SIAH2: variants seen among roughly 807,000 people sequenced by gnomAD.
SIAH2 encodes E3 ubiquitin-protein ligase SIAH2.
In SIAH2, 4 loss-of-function variants were observed where a neutral mutation model predicts 20.4. That is an observed-to-expected ratio of 0.20 (90% CI 0.10 to 0.45). SIAH2 has a LOEUF of 0.45. Among genes scored for constraint, SIAH2 ranks in the 20% least tolerant of loss-of-function variants. The probability of loss-of-function intolerance (pLI) is 0.99; values close to 1 mark genes in which losing one functional copy is unlikely to be tolerated. For missense variants in SIAH2, 259 were observed against 440.3 expected, an observed-to-expected ratio of 0.59 and a Z score of 3.69; for synonymous variants, 171 against 192.5, an observed-to-expected ratio of 0.89 and a Z score of 0.93.
At chr3:150,745,742 G>C (rs982699624) in intron 1 of SIAH2, among the ~76,000 whole-genome samples, 8 of 152,134 alleles carry the variant, frequency 5.3e-5, no homozygotes, top group African/African-American at 1.9e-4. Flanking sequence ...TGATCCACCC[G>C]CCACGGCCTC....
intron 1 of SIAH2, among the ~76,000 whole-genome samples, chr3:150,755,574 G>A (rs1714469899): frequency 6.6e-6 from 1 of 151,914 alleles, no homozygotes; most frequent in South Asian, 2.1e-4. Context: ...GGAGTGCAAT[G>A]GTGCGATCTC....
chr3:150,745,730 C>G (rs376512649), intron 1 of SIAH2, among the ~76,000 whole-genome samples: 4 of 152,186 alleles, frequency 2.6e-5, no homozygotes, highest in East Asian at 3.9e-4. Flanking sequence ...CTCCTGACCT[C>G]GTGATCCACC....
chr3:150,744,852 A>G (rs1177581529), intron 1 of SIAH2, among the ~76,000 whole-genome samples: 1 of 152,184 alleles, frequency 6.6e-6, no homozygotes, highest in Non-Finnish European at 1.5e-5. Context: ...GCAAATATTT[A>G]TCACTTGGCA....
chr3:150,745,424 T>G (rs966987972), intron 1 of SIAH2, among the ~76,000 whole-genome samples: 1 of 152,128 alleles, frequency 6.6e-6, no homozygotes, highest in Admixed American at 6.5e-5. Flanking sequence ...CAAGACTGTA[T>G]GTAAAACTGT....
intron 1 of SIAH2, among the ~76,000 whole-genome samples, chr3:150,760,802 T>C (rs1008287306): frequency 6.6e-6 from 1 of 152,208 alleles, no homozygotes; most frequent in Non-Finnish European, 1.5e-5. Context: ...AAGCATCAAA[T>C]AGCCACTCTA....
At position 150,762,625 on chromosome 3, in the gene SIAH2, G is replaced by C; in HGVS notation, c.225C>G (p.Thr75=). The change falls in exon 1 of 2, where the codon ACC becomes ACG. Residue 75 remains threonine (T), a synonymous_variant. Coordinates refer to ENST00000312960, the MANE Select transcript of SIAH2 (RefSeq NM_005067.7). This position sits in a 1 kb window ranked among gnomAD's most constrained non-coding sequence, Gnocchi z 6.6. ...GPVSPQHHEL[T]SLFECPVCFD... ...AGCAGACCGGACACTCGAAGAGCGA[G>C]GTCAGCTCGTGGTGCTGCGGGGACA... 1.2e-6 allele frequency: 2 copies of C among 1,609,452 alleles called. No individual in the cohort carries two copies. Among genetic ancestry groups the C allele is most frequent in the Non-Finnish European group, 1.7e-6 (2 of 1,178,630 alleles).
chr3:150,746,219 C>A (rs1413412171), intron 1 of SIAH2, among the ~76,000 whole-genome samples: 1 of 152,094 alleles, frequency 6.6e-6, no homozygotes, highest in Non-Finnish European at 1.5e-5. Context: ...TATGGTGAAA[C>A]CCTGTCACTA....
chr3:150,742,249 C>T lies in SIAH2; in HGVS notation c.867G>A (p.Ala289=), dbSNP rs771802597. ...CAAGGCAGTCGCTGTTCATGATGGC[C>T]GCAGCCACACCGTCATGAATCGAAC... ...TPRSIHDGVA[A]AIMNSDCLVF... Residue 289 remains alanine (A), a synonymous_variant, in exon 2 of 2, where the codon GCG becomes GCA. Transcript: ENST00000312960. The surrounding 1 kb of genome is among the most constrained non-coding windows in gnomAD (Gnocchi z 4.8). 49 of 1,614,028 alleles carry T rather than the reference C, an allele frequency of 3.0e-5. No homozygotes were observed. Among genetic ancestry groups the T allele is most frequent in the Middle Eastern group, 1.6e-4 (1 of 6,084 alleles).
chr3:150,752,689 C>G (rs538851731), intron 1 of SIAH2, among the ~76,000 whole-genome samples: 1 of 152,242 alleles, frequency 6.6e-6, no homozygotes, highest in African/African-American at 2.4e-5. Flanking sequence ...TTATTCTTCT[C>G]CGGCCCCGCA....
intron 1 of SIAH2, among the ~76,000 whole-genome samples, chr3:150,748,793 T>C (rs754733372): frequency 9.9e-5 from 15 of 152,202 alleles, no homozygotes; most frequent in Non-Finnish European, 2.1e-4. Context: ...CCTAAGTAAG[T>C]TGTAATGATC....
At chr3:150,757,738 T>TG (rs1430069072) in intron 1 of SIAH2, among the ~76,000 whole-genome samples, 3 of 151,888 alleles carry the variant, frequency 2.0e-5, no homozygotes, top group Non-Finnish European at 2.9e-5. Flanking sequence ...CCCAGCACTT[T>TG]GGGGGGCCGA....
chr3:150,754,492 C>T (rs540526919), intron 1 of SIAH2, among the ~76,000 whole-genome samples: 2 of 152,304 alleles, frequency 1.3e-5, no homozygotes, highest in Admixed American at 1.3e-4. Flanking sequence ...GCCCCACCTC[C>T]AACATTGGGG....
intron 1 of SIAH2, among the ~76,000 whole-genome samples, chr3:150,745,064 A>G (rs1361722350): frequency 6.6e-6 from 1 of 152,108 alleles, no homozygotes; most frequent in Non-Finnish European, 1.5e-5. Context: ...ATCTTGCTAC[A>G]TCCTCTATTA....
intron 1 of SIAH2, among the ~76,000 whole-genome samples, chr3:150,761,392 A>G (rs567675280): frequency 3.0e-4 from 46 of 152,378 alleles, no homozygotes; most frequent in African/African-American, 1.1e-3. Flanking sequence ...ATGCAATACT[A>G]TGCAGCCATT....
chr3:150,747,303 C>T (rs1372542633), intron 1 of SIAH2, among the ~76,000 whole-genome samples: 3 of 152,194 alleles, frequency 2.0e-5, no homozygotes, highest in Non-Finnish European at 4.4e-5. Context: ...GCCATTAGGC[C>T]CTCCCAGCCT....
intron 1 of SIAH2, among the ~76,000 whole-genome samples, chr3:150,751,449 T>C (rs1313803340): frequency 6.6e-6 from 1 of 151,506 alleles, no homozygotes; most frequent in Admixed American, 6.6e-5. Context: ...GAGAGAGATA[T>C]CATCAACCAA....
At chr3:150,756,693 C>T (rs1362644738) in intron 1 of SIAH2, among the ~76,000 whole-genome samples, 3 of 152,190 alleles carry the variant, frequency 2.0e-5, no homozygotes, top group Non-Finnish European at 4.4e-5. Flanking sequence ...GTGGAATTAC[C>T]ATTAAGCTTA....
chr3:150,748,644 C>T (rs1294314449), intron 1 of SIAH2, among the ~76,000 whole-genome samples: 1 of 152,190 alleles, frequency 6.6e-6, no homozygotes, highest in Non-Finnish European at 1.5e-5. Flanking sequence ...AAAATACCTG[C>T]TAGCACCTCA....
Position 150,742,726 on chromosome 3 carries a change from T to C in SIAH2, c.418-28A>G, listed in dbSNP as rs1040373777. 49 of 1,511,274 alleles carry C rather than the reference T, an allele frequency of 3.2e-5. No individual in the cohort carries two copies. Among genetic ancestry groups the C allele is most frequent in the Non-Finnish European group, 3.8e-5 (43 of 1,129,830 alleles). The allele number at this position is 1,511,274 out of a possible 1,614,324, so 93.6% of individuals were successfully genotyped here. On this transcript the variant is annotated intron_variant, in intron 1 of 1. Transcript: ENST00000312960. This position sits in a 1 kb window ranked among gnomAD's most constrained non-coding sequence, Gnocchi z 4.8. Reference sequence around the variant, plus strand: ...GCAAAGAAAGAAATGCATTGAGCCATTGGGCCTTCTCAAAACTTCTATTGC... The same window carrying C: ...GCAAAGAAAGAAATGCATTGAGCCACTGGGCCTTCTCAAAACTTCTATTGC...
Sources: gnomAD v4.1 joint callset for allele counts (sites outside exome capture counted in the v4.1 genomes callset) on GRCh38, gnomAD v4.1.1 for gene constraint, Gnocchi (gnomAD v3.1) non-coding constraint, MANE v1.5 for transcripts, NCBI Gene and HGNC (gene_info 2026-07-23, HGNC 2026-07-21) for gene names.